The following B3GALT1 variants were observed in gnomAD, a reference collection of about 807,000 sequenced individuals.
B3GALT1 encodes the protein beta-1,3-galactosyltransferase 1.
A neutral mutation model predicts 23.2 loss-of-function variants in B3GALT1; 10 were observed. The observed-to-expected ratio is 0.43, with a 90% CI of 0.27 to 0.73. The LOEUF (loss-of-function observed/expected upper bound fraction) is 0.73, where lower values mean the gene tolerates loss of function less well. B3GALT1 is among the 30% of genes least tolerant of loss of function. B3GALT1 has a pLI of 0.21. For synonymous variants in B3GALT1, 156 were observed against 141.5 expected (o/e 1.10, Z -0.73); for missense variants, 299 against 405.4 (o/e 0.74, Z 2.25).
At chr2:167,813,710 C>G (rs1418049455) in intron 3 of B3GALT1, among the ~76,000 whole-genome samples, 1 of 152,154 alleles carries the variant, frequency 6.6e-6, no homozygotes, top group Non-Finnish European at 1.5e-5. Flanking sequence ...GAAGAAAGAA[C>G]TCTGATACAT....
At chr2:167,437,727 A>G (rs1473549176) in intron 1 of B3GALT1, among the ~76,000 whole-genome samples, 2 of 152,132 alleles carry the variant, frequency 1.3e-5, no homozygotes, top group South Asian at 2.1e-4. Flanking sequence ...TATTTTTTCT[A>G]GTGTCACATA....
At chr2:167,679,030 T>A (rs969494055) in intron 3 of B3GALT1, among the ~76,000 whole-genome samples, 1 of 152,198 alleles carries the variant, frequency 6.6e-6, no homozygotes, top group South Asian at 2.1e-4. Context: ...AATCTTTTTA[T>A]ACCTATTCTT....
intron 3 of B3GALT1, among the ~76,000 whole-genome samples, chr2:167,664,871 A>G (rs1481387242): frequency 8.7e-5 from 13 of 150,010 alleles, no homozygotes; most frequent in East Asian, 7.8e-4. Context: ...GGCTGAGACA[A>G]TGGGGTTTTC....
chr2:167,614,543 A>G (rs1203037586), intron 2 of B3GALT1, among the ~76,000 whole-genome samples: 1 of 151,966 alleles, frequency 6.6e-6, no homozygotes, highest in Non-Finnish European at 1.5e-5. Context: ...AAATTCATCC[A>G]ACCAAGATCA....
chr2:167,763,654 A>G (rs10170636), intron 3 of B3GALT1, among the ~76,000 whole-genome samples: 139,586 of 143,060 alleles, frequency 0.98, 68,219 homozygotes, highest in East Asian at 1. Context: ...TTGCTCTACT[A>G]CACTCTAACC....
intron 2 of B3GALT1, among the ~76,000 whole-genome samples, chr2:167,614,748 A>G (rs1685128196): frequency 6.6e-6 from 1 of 152,084 alleles, no homozygotes; most frequent in South Asian, 2.1e-4. Flanking sequence ...ATTTATAATT[A>G]TAATGCAAAT....
chr2:167,757,684 A>T (rs1007366331), intron 3 of B3GALT1, among the ~76,000 whole-genome samples: 1 of 152,146 alleles, frequency 6.6e-6, no homozygotes. Flanking sequence ...CCTCTTATCT[A>T]GGTCATATAT....
chr2:167,378,436 C>A (rs978828400), intron 1 of B3GALT1, among the ~76,000 whole-genome samples: 2 of 152,032 alleles, frequency 1.3e-5, no homozygotes, highest in Non-Finnish European at 2.9e-5. Context: ...TTTACTTTTT[C>A]TCCTTCTCTC....
chr2:167,352,676 A>G (rs1574044946), intron 1 of B3GALT1, among the ~76,000 whole-genome samples: 1 of 151,796 alleles, frequency 6.6e-6, no homozygotes, highest in African/African-American at 2.4e-5. Flanking sequence ...AGCCAAGATC[A>G]CGCCACTGCA....
intron 1 of B3GALT1, among the ~76,000 whole-genome samples, chr2:167,336,275 C>T (rs759721921): frequency 1.2e-4 from 19 of 152,128 alleles, no homozygotes; most frequent in Admixed American, 2.6e-4. Flanking sequence ...ATTATCCCCA[C>T]CCTTTCATTG....
rs543326328 is a variant in B3GALT1 at position 167,497,393 on chromosome 2, A to G, written c.-410+7116A>G. Among the ~76,000 whole-genome samples the G allele has an allele frequency of 2.9e-3, 440 of 152,302 alleles. 3 individuals carry two copies. Among genetic ancestry groups the G allele is most frequent in the African/African-American group, 0.01 (425 of 41,574 alleles). ...GGAAAAGGAAGTGCCAAAACTCCAA[A>G]GTGGGAATATGCCAAGGGTGTCTCA... On this transcript the variant is annotated intron_variant, in intron 2 of 4. Coordinates refer to ENST00000392690, the MANE Select transcript of B3GALT1 (RefSeq NM_020981.4).
At chr2:167,676,794 G>T (rs964162152) in intron 3 of B3GALT1, among the ~76,000 whole-genome samples, 11 of 152,038 alleles carry the variant, frequency 7.2e-5, no homozygotes, top group Non-Finnish European at 1.2e-4. Context: ...GCCTAGGCCT[G>T]TGAAAGTGAT....
At chr2:167,588,225 G>T (rs1467969985) in intron 2 of B3GALT1, among the ~76,000 whole-genome samples, 2 of 149,960 alleles carry the variant, frequency 1.3e-5, no homozygotes, top group Non-Finnish European at 3.0e-5. Context: ...ATGCAAATAC[G>T]TATTTAAATC....
intron 3 of B3GALT1, among the ~76,000 whole-genome samples, chr2:167,720,205 C>T (rs981241170): frequency 5.9e-5 from 9 of 152,184 alleles, no homozygotes; most frequent in East Asian, 3.9e-4. Flanking sequence ...ACATTTTCTA[C>T]GTAGGAATTG....
chr2:167,545,253 T>C (rs1683614891), intron 2 of B3GALT1, among the ~76,000 whole-genome samples: 1 of 151,936 alleles, frequency 6.6e-6, no homozygotes. Context: ...GCCAGGATGG[T>C]CTTGATCTTC....
intron 1 of B3GALT1, among the ~76,000 whole-genome samples, chr2:167,433,604 T>A (rs774237150): frequency 6.6e-6 from 1 of 152,142 alleles, no homozygotes; most frequent in Non-Finnish European, 1.5e-5. Context: ...TTTCAAAATG[T>A]TTTAAAAGCA....
At chr2:167,636,322 C>CT (rs1685555702) in intron 2 of B3GALT1, among the ~76,000 whole-genome samples, 1 of 151,820 alleles carries the variant, frequency 6.6e-6, no homozygotes. Flanking sequence ...AAGACCCTCT[C>CT]TTCACCAAGC....
chr2:167,697,169 T>A (rs1195223912), intron 3 of B3GALT1, among the ~76,000 whole-genome samples: 1 of 152,178 alleles, frequency 6.6e-6, no homozygotes, highest in Non-Finnish European at 1.5e-5. Context: ...GAAATAACTA[T>A]GTTTTGAAAA....
chr2:167,394,374 A>G (rs1361017390), intron 1 of B3GALT1, among the ~76,000 whole-genome samples: 1 of 152,216 alleles, frequency 6.6e-6, no homozygotes, highest in East Asian at 1.9e-4. Flanking sequence ...CATTTAACTC[A>G]GAAACAAAAC....
Sources: allele counts gnomAD v4.1 joint callset (sites outside exome capture counted in the v4.1 genomes callset), GRCh38; gene constraint gnomAD v4.1.1; transcripts MANE v1.5; gene names NCBI Gene and HGNC (gene_info 2026-07-23, HGNC 2026-07-21).